Variants in POMT2 observed in about 807,000 individuals in gnomAD.
POMT2 encodes the protein protein O-mannosyltransferase 2, also known as protein O-mannosyl-transferase 2.
Under a neutral mutation model 100.0 loss-of-function variants are expected in POMT2, and 75 were observed. That is an observed-to-expected ratio of 0.75 (90% CI 0.62 to 0.91). The LOEUF (loss-of-function observed/expected upper bound fraction) is 0.91, where lower values mean the gene tolerates loss of function less well. Ranked by LOEUF, POMT2 falls within the 40% of genes least tolerant of loss-of-function variation. The probability of loss-of-function intolerance (pLI) is 0.00; values close to 1 mark genes in which losing one functional copy is unlikely to be tolerated. For synonymous variants in POMT2, 378 were observed against 374.1 expected (o/e 1.01, Z -0.12); for missense variants, 940 against 955.1 (o/e 0.98, Z 0.21).
intron 2 of POMT2, among the ~76,000 whole-genome samples, chr14:77,309,634 G>A (rs1891366738): frequency 6.6e-6 from 1 of 152,088 alleles, no homozygotes; most frequent in South Asian, 2.1e-4. Flanking sequence ...CTTCACACGG[G>A]CAACCAGATG....
rs774349446 is a variant in POMT2, at chr14:77,276,041, C to T, written c.*1335G>A. The T allele has an allele frequency of 6.6e-6, 1 of 152,486 alleles. No individual in the cohort carries two copies. Among genetic ancestry groups the T allele is most frequent in the Non-Finnish European group, 1.5e-5 (1 of 68,032 alleles). The allele number at this position is 152,486 out of a possible 1,614,324, so 9.4% of individuals were successfully genotyped here. A position where few individuals can be genotyped will look rare whatever the true frequency, so the allele number is the denominator to read the frequency against. On this transcript the variant is annotated 3_prime_UTR_variant, in exon 21 of 21. Coordinates refer to ENST00000261534, the MANE Select transcript of POMT2 (RefSeq NM_013382.7). ...TCAGAGGAGGGAAAATGGAGTGTGG[C>T]GGATTCATCATTAAATATTGAAGCA... is the stretch of plus-strand genomic sequence containing the variant.
Position 77,278,463 on chromosome 14 carries a change from G to A in POMT2, c.2078C>T (p.Ala693Val), listed in dbSNP as rs1054015193. The part of the protein sequence containing the change: ...TLLRLCAWGL[A>V]SWPLARGIHV... ...TATGCCCCTCGCCAGGGGCCATGAGGCCAAGCCCCAGGCACAGAGCCGCAG... is the reference window on the plus strand; with the variant it reads ...TATGCCCCTCGCCAGGGGCCATGAGACCAAGCCCCAGGCACAGAGCCGCAG... The change falls in exon 20 of 21, where the codon GCC (alanine) becomes GTC (valine). Residue 693 changes from alanine (A) to valine (V), a missense_variant. By Grantham distance (64) the Ala-to-Val change is moderately conservative. Transcript: ENST00000261534. 6.6e-7 allele frequency: 1 copy of A among 1,506,570 alleles called. No homozygotes were observed. The highest frequency in any genetic ancestry group is 1.4e-5 in the African/African-American group (1 of 72,166). The allele number at this position is 1,506,570 out of a possible 1,614,324, so 93.3% of individuals were successfully genotyped here. A position where few individuals can be genotyped will look rare whatever the true frequency, so the allele number is the denominator to read the frequency against.
rs1314741170 is a variant in POMT2, at chr14:77,275,786, A to G, written c.*1590T>C. On this transcript the variant is annotated 3_prime_UTR_variant, in exon 21 of 21. Transcript: ENST00000261534. ...GCTGTAGCAGTGGGAAAGGGAGGTC[A>G]TCGGGCCCCAGATCTAATTAACCAA... 6.6e-6 allele frequency: 1 copy of G among 152,476 alleles called. No individual in the cohort carries two copies. Among genetic ancestry groups the G allele is most frequent in the East Asian group, 1.9e-4 (1 of 5,192 alleles). The allele number at this position is 152,476 out of a possible 1,614,324, so 9.4% of individuals were successfully genotyped here.
intron 9 of POMT2, among the ~76,000 whole-genome samples, chr14:77,291,823 A>C (rs1268270825): frequency 1.3e-5 from 2 of 152,134 alleles, no homozygotes; most frequent in Non-Finnish European, 2.9e-5. Flanking sequence ...ACCTGAGGTC[A>C]GGAGTTTGAG....
intron 16 of POMT2, 134 bp downstream of exon 16, chr14:77,280,258 T>C (rs1164568390): frequency 3.2e-6 from 5 of 1,556,614 alleles, no homozygotes; most frequent in Non-Finnish European, 4.3e-6. Flanking sequence ...AAACAGATAC[T>C]CCCACCTCTG....
chr14:77,288,204 G>A (rs10138030), intron 11 of POMT2, among the ~76,000 whole-genome samples: 36,019 of 152,208 alleles, frequency 0.24, 4,565 homozygotes, highest in East Asian at 0.48. Context: ...ATTTCACTTA[G>A]GCTTTGGCCT....
chr14:77,280,959 C>T (rs1385674306), intron 15 of POMT2, among the ~76,000 whole-genome samples: 5 of 151,922 alleles, frequency 3.3e-5, no homozygotes, highest in East Asian at 1.9e-4. Flanking sequence ...CTGAGCGTAG[C>T]GGTGGGTGCC....
At position 77,275,835 on chromosome 14, in the gene POMT2, G is replaced by C. The variant is rs1367288350; in HGVS notation, c.*1541C>G. 1 of 152,502 alleles carries C rather than the reference G, an allele frequency of 6.6e-6. No homozygotes were observed. The highest frequency in any genetic ancestry group is 1.5e-5 in the Non-Finnish European group (1 of 68,058). 9.4% of individuals were successfully genotyped at this position (152,502 alleles called of 1,614,324 possible). A position where few individuals can be genotyped will look rare whatever the true frequency, so the allele number is the denominator to read the frequency against. ...AACCTGCCTTGCTTTTGACGTTGCT[G>C]CATTTCCTCTATTAACATTAATGAT... On this transcript the variant is annotated 3_prime_UTR_variant, in exon 21 of 21. Coordinates refer to ENST00000261534, the MANE Select transcript of POMT2 (RefSeq NM_013382.7).
chr14:77,296,111 C>T lies in POMT2; in HGVS notation c.1116+53G>A, dbSNP rs1555353583. On this transcript the variant is annotated intron_variant, in intron 9 of 20. Coordinates refer to ENST00000261534, the MANE Select transcript of POMT2 (RefSeq NM_013382.7). Reference sequence around the variant, plus strand: ...AAAGGATAGGAGGCAAGAGAGTGAACTGTCATGGCGAACAGCATTGCTGCC... The same window carrying T: ...AAAGGATAGGAGGCAAGAGAGTGAATTGTCATGGCGAACAGCATTGCTGCC... 1.7e-5 allele frequency: 23 copies of T among 1,353,566 alleles called. 1 individual carries two copies. In the South Asian group the frequency reaches 2.4e-4, roughly 14 times the overall value. The allele number at this position is 1,353,566 out of a possible 1,614,324, so 83.8% of individuals were successfully genotyped here.
intron 8 of POMT2, among the ~76,000 whole-genome samples, chr14:77,298,201 C>T (rs1890897230): frequency 6.6e-6 from 1 of 152,204 alleles, no homozygotes; most frequent in Non-Finnish European, 1.5e-5. Context: ...CGCCCAGCAG[C>T]CATGCTCCTT....
chr14:77,277,504 G>C (rs767037741), intron 20 of POMT2, 23 bp from the exon 21 acceptor site: 1 of 1,560,696 alleles, frequency 6.4e-7, no homozygotes, highest in African/African-American at 1.4e-5. Flanking sequence ...ACCAGTAGGA[G>C]GCAGTTGGCA....
intron 8 of POMT2, 78 bp from the exon 9 acceptor site, chr14:77,296,351 G>A (rs1890831475): frequency 2.0e-6 from 2 of 999,034 alleles, no homozygotes; most frequent in South Asian, 1.4e-5. Flanking sequence ...AGCCTCGGAA[G>A]CCACAGGGCT....
intron 2 of POMT2, chr14:77,308,720 T>C (rs763271807): frequency 8.9e-6 from 4 of 448,222 alleles, no homozygotes; most frequent in East Asian, 7.1e-5. Flanking sequence ...AGCACTGTCA[T>C]ACACTGTTGG....
Position 77,286,748 on chromosome 14 carries a change from C to G in POMT2, c.1328G>C (p.Gly443Ala). Residue 443 changes from glycine (G) to alanine (A), a missense_variant, in exon 12 of 21, where the codon GGC becomes GCC. By Grantham distance (60) the Gly-to-Ala change is moderately conservative (BLOSUM62 0). Transcript: ENST00000261534. Reference sequence around the variant, plus strand: ...ACATCCCCGTTGCTTACTTACTATGCCATAGCCGGTGACCTGATAGTGCTT... The same window carrying G: ...ACATCCCCGTTGCTTACTTACTATGGCATAGCCGGTGACCTGATAGTGCTT... The part of the protein sequence containing the change: ...TRKHYQVTGY[G>A]INGTGDSNDF... 6.2e-7 allele frequency: 1 copy of G among 1,614,144 alleles called. No individual in the cohort carries two copies. Among genetic ancestry groups the G allele is most frequent in the Non-Finnish European group, 8.5e-7 (1 of 1,180,020 alleles).
At chr14:77,277,609 C>A (rs1445078118) in intron 20 of POMT2, 128 bp from the exon 21 acceptor site, 2 of 783,140 alleles carry the variant, frequency 2.6e-6, no homozygotes, top group African/African-American at 3.4e-5. Context: ...TCTTTCACGG[C>A]CTTGTCTGTC....
At chr14:77,288,934 G>C (rs1890543172) in intron 10 of POMT2, 103 bp from the exon 11 acceptor site, 1 of 994,524 alleles carries the variant, frequency 1.0e-6, no homozygotes, top group African/African-American at 1.6e-5. Context: ...GTATCTGCTA[G>C]AGGTACTAAC....
Position 77,303,801 on chromosome 14 carries a change from A to G in POMT2, c.548-858T>C, listed in dbSNP as rs563470060. Among the ~76,000 whole-genome samples the G allele has an allele frequency of 2.6e-5, 4 of 152,330 alleles. No individual in the cohort carries two copies. The South Asian group carries it at 8.3e-4, about 32-fold the overall frequency. ...CTACACTGCACTTGTGGCTTAGGAC[A>G]TCACATGACAGACTTATTCATTTAC... On this transcript the variant is annotated intron_variant, in intron 4 of 20. Transcript: ENST00000261534.
chr14:77,296,347 G>A lies in POMT2; in HGVS notation c.1007-74C>T, dbSNP rs535064188. ...GCTGTCCGTGCCTGCGAGGAGCCTC[G>A]GAAGCCACAGGGCTCACTAACCCTC... On this transcript the variant is annotated intron_variant, in intron 8 of 20. Transcript: ENST00000261534. The A allele has an allele frequency of 5.2e-4, 529 of 1,020,824 alleles. 6 individuals are homozygous for A. The highest frequency in any genetic ancestry group is 4.5e-3 in the South Asian group (329 of 73,256). 63.2% of individuals were successfully genotyped at this position (1,020,824 alleles called of 1,614,324 possible).
chr14:77,294,382 C>T (rs544781159), intron 9 of POMT2, among the ~76,000 whole-genome samples: 3 of 152,270 alleles, frequency 2.0e-5, no homozygotes, highest in South Asian at 2.1e-4. Context: ...AGTACAGTGG[C>T]GCAATCTCAG....
Sources: allele counts gnomAD v4.1 joint callset (sites outside exome capture counted in the v4.1 genomes callset), GRCh38; gene constraint gnomAD v4.1.1; transcripts MANE v1.5; gene names NCBI Gene and HGNC (gene_info 2026-07-23, HGNC 2026-07-21).